SOX5: variants seen among roughly 807,000 people sequenced by gnomAD.
The protein encoded by SOX5 is SRY-box transcription factor 5.
SOX5 carries 9 observed loss-of-function variants against 92.0 expected under a neutral mutation model. That is an observed-to-expected ratio of 0.10 (90% CI 0.06 to 0.17). The LOEUF (loss-of-function observed/expected upper bound fraction) is 0.17. Among genes scored for constraint, SOX5 ranks in the 10% least tolerant of loss-of-function variants. The pLI, the probability that SOX5 is intolerant of heterozygous loss-of-function variation, is 1.00. For missense variants in SOX5, 642 were observed against 944.5 expected, an observed-to-expected ratio of 0.68 and a Z score of 4.20; for synonymous variants, 344 against 336.3, an observed-to-expected ratio of 1.02 and a Z score of -0.25.
At chr12:24,463,688 G>A (rs1943900582) in intron 1 of SOX5, among the ~76,000 whole-genome samples, 1 of 152,112 alleles carries the variant, frequency 6.6e-6, no homozygotes, top group South Asian at 2.1e-4. Flanking sequence ...GAGATTATAG[G>A]GAGAGCACTG....
intron 4 of SOX5, among the ~76,000 whole-genome samples, chr12:24,099,802 C>T (rs1224830190): frequency 1.3e-5 from 2 of 152,074 alleles, no homozygotes. Flanking sequence ...GCTTCCTCCT[C>T]CCTACACTGC....
chr12:23,737,846 A>G (rs2093660514), intron 5 of SOX5, among the ~76,000 whole-genome samples: 1 of 152,080 alleles, frequency 6.6e-6, no homozygotes, highest in Admixed American at 6.5e-5. Flanking sequence ...TCACTCCTAC[A>G]CTTCCTACAG....
intron 4 of SOX5, among the ~76,000 whole-genome samples, chr12:24,081,183 G>A (rs1943287543): frequency 6.6e-6 from 1 of 151,992 alleles, no homozygotes; most frequent in African/African-American, 2.4e-5. Context: ...TACAGAGCTC[G>A]CGCTGCCATA....
chr12:23,646,582 C>T (rs1566671468), intron 7 of SOX5, among the ~76,000 whole-genome samples: 1 of 152,230 alleles, frequency 6.6e-6, no homozygotes, highest in Admixed American at 6.5e-5. Context: ...TACAGCAGAA[C>T]TTCTTTCAGC....
At chr12:23,699,778 C>A (rs928618995) in intron 6 of SOX5, among the ~76,000 whole-genome samples, 1 of 152,064 alleles carries the variant, frequency 6.6e-6, no homozygotes, top group Admixed American at 6.6e-5. Flanking sequence ...TTGGATGCTA[C>A]CAGGTTTTCA....
intron 3 of SOX5, among the ~76,000 whole-genome samples, chr12:24,219,082 T>G (rs1959767775): frequency 6.6e-6 from 1 of 152,058 alleles, no homozygotes; most frequent in Admixed American, 6.5e-5. Flanking sequence ...TGAGAGTGAC[T>G]GTTATAAAAG....
intron 2 of SOX5, among the ~76,000 whole-genome samples, chr12:24,320,782 G>A (rs543403465): frequency 1.5e-4 from 22 of 151,638 alleles, no homozygotes; most frequent in Non-Finnish European, 2.9e-4. Flanking sequence ...GGAGAATGGC[G>A]TGAACCTGGG....
intron 3 of SOX5, among the ~76,000 whole-genome samples, chr12:24,276,649 A>C (rs1423120931): frequency 6.6e-6 from 1 of 152,180 alleles, no homozygotes. Flanking sequence ...TCCCAAGAGT[A>C]TAACATTTTT....
chr12:23,533,327 A>C lies in SOX5; in HGVS notation c.*892T>G. ...TGTCTCTCTCTCTCTCTCTCTTTTC[A>C]CCTGAGAACAGCACCTACAGTTTCC... On this transcript the variant is annotated 3_prime_UTR_variant, in exon 15 of 15. Coordinates refer to ENST00000451604, the MANE Select transcript of SOX5 (RefSeq NM_006940.6). 1 of 327,924 alleles carries C rather than the reference A, an allele frequency of 3.0e-6. No homozygotes were observed. Among genetic ancestry groups the C allele is most frequent in the Non-Finnish European group, 6.4e-6 (1 of 156,764 alleles). 20.3% of individuals were successfully genotyped at this position (327,924 alleles called of 1,614,324 possible).
At chr12:24,351,212 G>A (rs1954041056) in intron 2 of SOX5, among the ~76,000 whole-genome samples, 2 of 152,084 alleles carry the variant, frequency 1.3e-5, no homozygotes, top group African/African-American at 2.4e-5. Context: ...GTCTTGTAGA[G>A]TATCTAGATT....
intron 1 of SOX5, among the ~76,000 whole-genome samples, chr12:24,385,949 A>G (rs1958365890): frequency 1.1e-5 from 1 of 91,644 alleles, no homozygotes; most frequent in African/African-American, 3.9e-5. Context: ...AAAAAAAGAG[A>G]GAGAGATTTA....
At chr12:24,043,793 G>A (rs1375603671) in intron 4 of SOX5, among the ~76,000 whole-genome samples, 1 of 152,086 alleles carries the variant, frequency 6.6e-6, no homozygotes, top group East Asian at 1.9e-4. Flanking sequence ...TTGGACTACT[G>A]CATTATTTCT....
chr12:24,008,821 T>A (rs192790461), intron 4 of SOX5, among the ~76,000 whole-genome samples: 100 of 152,304 alleles, frequency 6.6e-4, no homozygotes, highest in African/African-American at 2.3e-3. Context: ...CCAGTATTTA[T>A]ACCCCTGTGG....
chr12:24,401,576 G>A (rs1230652375), intron 1 of SOX5, among the ~76,000 whole-genome samples: 5 of 151,496 alleles, frequency 3.3e-5, no homozygotes, highest in Non-Finnish European at 5.9e-5. Context: ...CTTGCATGGT[G>A]GCATATGCCT....
intron 1 of SOX5, among the ~76,000 whole-genome samples, chr12:24,521,334 C>G (rs796998115): frequency 1.3e-5 from 2 of 152,130 alleles, no homozygotes; most frequent in Non-Finnish European, 2.9e-5. Context: ...GGATTACAGG[C>G]GTGAGCCACC....
intron 2 of SOX5, among the ~76,000 whole-genome samples, chr12:24,285,040 G>A (rs946553140): frequency 5.3e-5 from 8 of 151,994 alleles, no homozygotes; most frequent in South Asian, 2.1e-4. Context: ...CAGGAGAATC[G>A]CTTGAACCCT....
chr12:23,792,257 C>G (rs1307102201), intron 3 of SOX5, among the ~76,000 whole-genome samples: 1 of 151,560 alleles, frequency 6.6e-6, no homozygotes, highest in Non-Finnish European at 1.5e-5. Context: ...ATACGAAAAC[C>G]CCACAGTCAA....
intron 4 of SOX5, among the ~76,000 whole-genome samples, chr12:24,079,986 T>A (rs1274975627): frequency 3.3e-5 from 5 of 151,932 alleles, no homozygotes; most frequent in African/African-American, 1.2e-4. Context: ...CTGTGTTGTA[T>A]ACAATTACTA....
chr12:24,298,795 A>T, intron 2 of SOX5, among the ~76,000 whole-genome samples: 1 of 150,152 alleles, frequency 6.7e-6, no homozygotes, highest in Non-Finnish European at 1.5e-5. Flanking sequence ...AAAAAAAAAA[A>T]AAAAACTACA....
Sources: allele counts gnomAD v4.1 joint callset (sites outside exome capture counted in the v4.1 genomes callset), GRCh38; gene constraint gnomAD v4.1.1; transcripts MANE v1.5; gene names NCBI Gene and HGNC (gene_info 2026-07-23, HGNC 2026-07-21).